Variants in RIMBP2 observed in about 807,000 individuals in gnomAD.
RIMBP2 encodes RIMS-binding protein 2.
In RIMBP2, 48 loss-of-function variants were observed where a neutral mutation model predicts 118.6. The ratio of observed to expected loss-of-function variants is 0.40; its 90% CI spans 0.32 to 0.51. The LOEUF is 0.51. Ranked by LOEUF, RIMBP2 falls within the 20% of genes least tolerant of loss-of-function variation. The probability of loss-of-function intolerance (pLI) is 0.41; values close to 1 mark genes in which losing one functional copy is unlikely to be tolerated. For missense variants in RIMBP2, 1,551 were observed against 1,768.3 expected, an observed-to-expected ratio of 0.88 and a Z score of 2.20; for synonymous variants, 762 against 742.9, an observed-to-expected ratio of 1.03 and a Z score of -0.42.
In RIMBP2 at chr12:130,407,738, G is replaced by A. The variant is rs535947066; in HGVS notation, c.3681C>T (p.Asn1227=). Residue 1227 remains asparagine, a synonymous_variant, in exon 20 of 23, where the codon AAC becomes AAT. Transcript: ENST00000690449. Reference sequence around the variant, plus strand: ...GTTTGGCTGGTACCTCGACATCGACGTTGGGCGAGCTTTCTCTGGGGTCGT... The same window carrying A: ...GTTTGGCTGGTACCTCGACATCGACATTGGGCGAGCTTTCTCTGGGGTCGT... ...YDYDPRESSP[N]VDVEAELTFC... is the part of the protein sequence containing the mutation. The A allele has an allele frequency of 2.2e-5, 36 of 1,613,792 alleles. No individual in the cohort carries two copies. Among genetic ancestry groups the A allele is most frequent in the African/African-American group, 8.0e-5 (6 of 75,038 alleles).
At chr12:130,605,918 A>G (rs1036694784) in intron 2 of RIMBP2, among the ~76,000 whole-genome samples, 1 of 152,148 alleles carries the variant, frequency 6.6e-6, no homozygotes, top group African/African-American at 2.4e-5. Flanking sequence ...TCAGAAAAAA[A>G]TTAGCCAGGC....
intron 21 of RIMBP2, among the ~76,000 whole-genome samples, chr12:130,404,456 C>G (rs1243283051): frequency 6.6e-6 from 1 of 152,166 alleles, no homozygotes; most frequent in Non-Finnish European, 1.5e-5. Context: ...TGCCACCACG[C>G]CCGGCTAATT....
At chr12:130,508,884 A>G (rs1427558160) in intron 3 of RIMBP2, among the ~76,000 whole-genome samples, 1 of 152,036 alleles carries the variant, frequency 6.6e-6, no homozygotes, top group Non-Finnish European at 1.5e-5. Context: ...TGGGTGGACT[A>G]TTGCTGTCAG....
At chr12:130,664,413 A>ACGCACACGCATGCACACGCACG (rs746938510) in intron 1 of RIMBP2, among the ~76,000 whole-genome samples, 1 of 121,238 alleles carries the variant, frequency 8.2e-6, no homozygotes, top group Non-Finnish European at 1.8e-5. Context: ...GCACGCACGC[A>ACGCACACGCATGCACACGCACG]CACACACGCA....
At chr12:130,678,043 A>C (rs1240400849) in intron 1 of RIMBP2, among the ~76,000 whole-genome samples, 6 of 152,186 alleles carry the variant, frequency 3.9e-5, no homozygotes, top group Non-Finnish European at 8.8e-5. Context: ...GGCAGAACAA[A>C]GGACTGTTCT....
At chr12:130,689,756 C>T (rs2065230429) in intron 1 of RIMBP2, among the ~76,000 whole-genome samples, 1 of 152,136 alleles carries the variant, frequency 6.6e-6, no homozygotes, top group Non-Finnish European at 1.5e-5. Flanking sequence ...AGTGGAGGAC[C>T]CAGTAGAGAG....
chr12:130,669,389 C>A (rs2064097716), intron 1 of RIMBP2, among the ~76,000 whole-genome samples: 1 of 152,178 alleles, frequency 6.6e-6, no homozygotes, highest in African/African-American at 2.4e-5. Context: ...CAAATCTCAT[C>A]TTGTATTGTA....
Position 130,661,683 on chromosome 12 carries a change from TC to T in RIMBP2, c.-351-33228del, listed in dbSNP as rs565390500. 2.0e-5 allele frequency among the ~76,000 whole-genome samples: 3 copies of T among 152,296 alleles called. No individual in the cohort carries two copies. In the East Asian group the frequency reaches 5.8e-4, roughly 29 times the overall value. On this transcript the variant is annotated intron_variant, in intron 1 of 22. Transcript: ENST00000690449. Reference sequence around the variant, plus strand: ...CAGTGCCCAGCCTCTGACAGGTCAGTCTCACTAATAAATTCCCCTCTCTGCT... The same window carrying T: ...CAGTGCCCAGCCTCTGACAGGTCAGTTCACTAATAAATTCCCCTCTCTGCT...
intron 22 of RIMBP2, chr12:130,398,017 A>C (rs903126924): frequency 6.5e-6 from 1 of 152,802 alleles, no homozygotes. Flanking sequence ...TACTATAGAA[A>C]TATTGGAGAT....
intron 2 of RIMBP2, among the ~76,000 whole-genome samples, chr12:130,532,565 A>G (rs890836330): frequency 2.0e-5 from 3 of 147,078 alleles, no homozygotes; most frequent in South Asian, 4.5e-4. Context: ...AGTTACGTCT[A>G]ATGAGATGCG....
chr12:130,441,833 G>C lies in RIMBP2; in HGVS notation c.1504+15C>G. The C allele has an allele frequency of 6.2e-7, 1 of 1,607,196 alleles. No individual in the cohort carries two copies. The highest frequency in any genetic ancestry group is 1.3e-5 in the African/African-American group (1 of 74,862). On this transcript the variant is annotated intron_variant, in intron 11 of 22. Coordinates refer to ENST00000690449, the MANE Select transcript of RIMBP2 (RefSeq NM_001393629.1). ...TTCTCTCCCTGGGGGACCCACGGAA[G>C]GACACAGGGCTCACCTGCAGGCAAC...
chr12:130,410,839 C>G (rs1020278246), intron 19 of RIMBP2, among the ~76,000 whole-genome samples: 3 of 152,230 alleles, frequency 2.0e-5, no homozygotes, highest in Non-Finnish European at 4.4e-5. Flanking sequence ...TTTGGCTACT[C>G]TAGTTCCTTT....
chr12:130,510,197 G>A (rs888235362), intron 3 of RIMBP2, among the ~76,000 whole-genome samples: 17 of 152,234 alleles, frequency 1.1e-4, no homozygotes, highest in African/African-American at 3.9e-4. Flanking sequence ...AACGGCGCCA[G>A]AAGCTAGAGT....
At chr12:130,591,590 G>T (rs1257636394) in intron 2 of RIMBP2, among the ~76,000 whole-genome samples, 2 of 152,118 alleles carry the variant, frequency 1.3e-5, no homozygotes, top group Admixed American at 6.5e-5. Flanking sequence ...GGGGCGGGGG[G>T]GCTCCTTCCA....
At chr12:130,575,830 G>T (rs1317768738) in intron 2 of RIMBP2, among the ~76,000 whole-genome samples, 1 of 152,234 alleles carries the variant, frequency 6.6e-6, no homozygotes, top group Non-Finnish European at 1.5e-5. Flanking sequence ...GTCTGTTGAA[G>T]TCATCTGGTA....
At chr12:130,684,019 G>T (rs1478660940) in intron 1 of RIMBP2, among the ~76,000 whole-genome samples, 3 of 152,096 alleles carry the variant, frequency 2.0e-5, no homozygotes, top group East Asian at 3.9e-4. Flanking sequence ...TCAACTAAGA[G>T]TCTGGCACCT....
At position 130,688,879 on chromosome 12, in the gene RIMBP2, T is replaced by C. The variant is rs923801968; in HGVS notation, c.-352+27343A>G. Among the ~76,000 whole-genome samples the C allele has an allele frequency of 2.0e-5, 3 of 152,354 alleles. No individual in the cohort carries two copies. The highest frequency in any genetic ancestry group is 3.4e-3 in the Middle Eastern group (1 of 294). On this transcript the variant is annotated intron_variant, in intron 1 of 22. Transcript: ENST00000690449. This position sits in a 1 kb window ranked among gnomAD's most constrained non-coding sequence, Gnocchi z 4.7. Reference sequence around the variant, plus strand: ...GCTGGCTGAAACGTGGGCCTCACGTTGCCTGAGGCAGCCCACCCCACTCTT... The same window carrying C: ...GCTGGCTGAAACGTGGGCCTCACGTCGCCTGAGGCAGCCCACCCCACTCTT...
At chr12:130,531,946 G>A (rs1481012339) in intron 2 of RIMBP2, among the ~76,000 whole-genome samples, 1 of 141,500 alleles carries the variant, frequency 7.1e-6, no homozygotes, top group Non-Finnish European at 1.5e-5. Context: ...TAGCCTCTAG[G>A]AGGTACGTCT....
At chr12:130,630,875 A>G (rs2061951272) in intron 1 of RIMBP2, among the ~76,000 whole-genome samples, 1 of 152,154 alleles carries the variant, frequency 6.6e-6, no homozygotes, top group Non-Finnish European at 1.5e-5. Flanking sequence ...CCATACATGC[A>G]AAGACTCATA....
Sources: allele counts gnomAD v4.1 joint callset (sites outside exome capture counted in the v4.1 genomes callset), GRCh38; gene constraint gnomAD v4.1.1; non-coding constraint Gnocchi (gnomAD v3.1); transcripts MANE v1.5; gene names NCBI Gene and HGNC (gene_info 2026-07-23, HGNC 2026-07-21).